TMEM132C: variants seen among roughly 807,000 people sequenced by gnomAD.
TMEM132C encodes the protein transmembrane protein 132C.
In TMEM132C, 29 loss-of-function variants were observed where a neutral mutation model predicts 61.4. The ratio of observed to expected loss-of-function variants is 0.47; its 90% CI spans 0.35 to 0.64. TMEM132C has a LOEUF of 0.64. Among genes scored for constraint, TMEM132C ranks in the 30% least tolerant of loss-of-function variants. TMEM132C has a pLI of 0.00. For missense variants in TMEM132C, 1,408 were observed against 1,476.9 expected (o/e 0.95, Z 0.76); for synonymous variants, 656 against 633.1 (o/e 1.04, Z -0.54).
At chr12:128,665,750 G>A (rs563097423) in intron 4 of TMEM132C, among the ~76,000 whole-genome samples, 37 of 119,718 alleles carry the variant, frequency 3.1e-4, no homozygotes, top group Non-Finnish European at 4.6e-4. Flanking sequence ...CATACACCCA[G>A]GCACATGTAC....
chr12:128,477,944 T>C (rs1236990487), intron 2 of TMEM132C, among the ~76,000 whole-genome samples: 3 of 152,182 alleles, frequency 2.0e-5, no homozygotes, highest in Non-Finnish European at 4.4e-5. Flanking sequence ...CTCTCCATGA[T>C]GAAAATTGGG....
At chr12:128,349,113 C>T (rs1873259597) in intron 1 of TMEM132C, among the ~76,000 whole-genome samples, 1 of 152,152 alleles carries the variant, frequency 6.6e-6, no homozygotes, top group Non-Finnish European at 1.5e-5. Flanking sequence ...AAGTGATTCT[C>T]CTGGCTCAGC....
At chr12:128,410,185 C>A (rs907333169) in intron 1 of TMEM132C, among the ~76,000 whole-genome samples, 28 of 152,018 alleles carry the variant, frequency 1.8e-4, no homozygotes, top group African/African-American at 6.5e-4. Context: ...TATTTTGATA[C>A]AGTTGGAGTC....
intron 2 of TMEM132C, among the ~76,000 whole-genome samples, chr12:128,543,429 A>G (rs1043243005): frequency 1.3e-5 from 2 of 152,204 alleles, no homozygotes; most frequent in African/African-American, 4.8e-5. Context: ...GTATGAACCC[A>G]GGACCGGCTT....
intron 1 of TMEM132C, among the ~76,000 whole-genome samples, chr12:128,295,638 CAAAAAA>C (rs59555369): frequency 1.7e-5 from 2 of 116,014 alleles, no homozygotes; most frequent in African/African-American, 3.3e-5. Context: ...TTAAGTCCTT[CAAAAAA>C]AAAAAAAAAA....
chr12:128,414,331 T>G (rs1868679754), intron 1 of TMEM132C, among the ~76,000 whole-genome samples: 2 of 152,346 alleles, frequency 1.3e-5, no homozygotes, highest in South Asian at 4.1e-4. Flanking sequence ...AGTTTATATA[T>G]GGACTTCATT....
chr12:128,477,657 G>A (rs1306176138), intron 2 of TMEM132C, among the ~76,000 whole-genome samples: 2 of 152,152 alleles, frequency 1.3e-5, no homozygotes, highest in African/African-American at 4.8e-5. Context: ...TCGGCTCACT[G>A]CAAACTCCGC....
At chr12:128,344,996 C>T (rs2678816) in intron 1 of TMEM132C, among the ~76,000 whole-genome samples, 129,532 of 150,306 alleles carry the variant, frequency 0.86, 57,200 homozygotes, top group East Asian at 1. Flanking sequence ...CTGCACAGAA[C>T]ATCCCATCAC....
chr12:128,271,222 C>G (rs529955642), intron 1 of TMEM132C, among the ~76,000 whole-genome samples: 5 of 150,920 alleles, frequency 3.3e-5, no homozygotes, highest in African/African-American at 9.7e-5. Flanking sequence ...CCACTGCACT[C>G]CAGCCTGGGT....
At chr12:128,495,763 T>C (rs1302708995) in intron 2 of TMEM132C, among the ~76,000 whole-genome samples, 2 of 152,128 alleles carry the variant, frequency 1.3e-5, no homozygotes, top group African/African-American at 4.8e-5. Context: ...TACAGCACAC[T>C]GATGGGTCTT....
At chr12:128,543,156 A>G (rs1873820498) in intron 2 of TMEM132C, among the ~76,000 whole-genome samples, 1 of 152,166 alleles carries the variant, frequency 6.6e-6, no homozygotes, top group Non-Finnish European at 1.5e-5. Flanking sequence ...GACTTAATGT[A>G]TCTTTGTTAA....
chr12:128,697,830 G>A (rs922242463), intron 8 of TMEM132C, among the ~76,000 whole-genome samples: 11 of 152,106 alleles, frequency 7.2e-5, no homozygotes. Flanking sequence ...ATCTTGTGCA[G>A]CCCTCAGTCT....
chr12:128,517,507 CTT>C (rs1245212639), intron 2 of TMEM132C, among the ~76,000 whole-genome samples: 2 of 152,046 alleles, frequency 1.3e-5, no homozygotes, highest in Non-Finnish European at 2.9e-5. Flanking sequence ...TACTTTAACA[CTT>C]TGAAATGCAT....
intron 3 of TMEM132C, among the ~76,000 whole-genome samples, chr12:128,612,861 G>A (rs936479614): frequency 6.6e-6 from 1 of 152,112 alleles, no homozygotes; most frequent in East Asian, 1.9e-4. Flanking sequence ...AATGCCCTTC[G>A]TTAGCAGAAT....
intron 1 of TMEM132C, among the ~76,000 whole-genome samples, chr12:128,414,281 A>T (rs1868677785): frequency 6.6e-6 from 1 of 152,298 alleles, no homozygotes; most frequent in South Asian, 2.1e-4. Flanking sequence ...AGGATTTGAG[A>T]TGCTACCTTT....
chr12:128,654,588 G>A lies in TMEM132C; in HGVS notation c.1306-14829G>A, dbSNP rs149871078. 7.9e-3 allele frequency among the ~76,000 whole-genome samples: 1,195 copies of A among 152,196 alleles called. 7 individuals carry two copies. Among genetic ancestry groups the A allele is most frequent in the Middle Eastern group, 0.017 (5 of 294 alleles). ...GCATTGCTTCCTGCCTAACAACATC[G>A]TAGATGCCCAATAACTCTGAGCCGC... On this transcript the variant is annotated intron_variant, in intron 4 of 8. Transcript: ENST00000435159.
chr12:128,370,850 T>C (rs187450542), intron 1 of TMEM132C, among the ~76,000 whole-genome samples: 2 of 152,080 alleles, frequency 1.3e-5, no homozygotes, highest in South Asian at 2.1e-4. Flanking sequence ...ATTCAACTTA[T>C]CCTGCACGGC....
intron 2 of TMEM132C, among the ~76,000 whole-genome samples, chr12:128,539,400 A>G (rs1448344987): frequency 2.6e-5 from 4 of 152,170 alleles, no homozygotes; most frequent in Non-Finnish European, 5.9e-5. Context: ...GCGGATCACA[A>G]GGTCAAGAAA....
intron 1 of TMEM132C, among the ~76,000 whole-genome samples, chr12:128,354,209 G>C (rs918823587): frequency 6.6e-6 from 1 of 151,952 alleles, no homozygotes. Context: ...AAGCCCCTAG[G>C]TGTGTGAGTC....
Sources: allele counts gnomAD v4.1 joint callset (sites outside exome capture counted in the v4.1 genomes callset), GRCh38; gene constraint gnomAD v4.1.1; transcripts MANE v1.5; gene names NCBI Gene and HGNC (gene_info 2026-07-23, HGNC 2026-07-21).